Variants in PTPRZ1 observed in about 807,000 individuals in gnomAD.
PTPRZ1 encodes receptor-type tyrosine-protein phosphatase zeta.
Under a neutral mutation model 214.1 loss-of-function variants are expected in PTPRZ1, and 82 were observed. The ratio of observed to expected loss-of-function variants is 0.38; its 90% confidence interval spans 0.32 to 0.46. The LOEUF is 0.46. Among genes scored for constraint, PTPRZ1 ranks in the 20% least tolerant of loss-of-function variants. The probability of loss-of-function intolerance (pLI) is 1.00; values close to 1 mark genes in which losing one functional copy is unlikely to be tolerated. For synonymous variants in PTPRZ1, 945 were observed against 987.9 expected, an observed-to-expected ratio of 0.96 and a Z score of 0.81; for missense variants, 2,603 against 2,748.7, an observed-to-expected ratio of 0.95 and a Z score of 1.19.
intron 10 of PTPRZ1, among the ~76,000 whole-genome samples, chr7:121,999,216 C>A (rs1798249679): frequency 6.6e-6 from 1 of 152,166 alleles, no homozygotes; most frequent in South Asian, 2.1e-4. Flanking sequence ...TTTCTTATGA[C>A]CTGCCTCATG....
At position 122,011,615 on chromosome 7, in the gene PTPRZ1, C is replaced by T; in HGVS notation, c.2569C>T (p.His857Tyr). ...SATESDKVPL[H>Y]ASLPVAGGDL... ...TACCGAGAGTGATAAGGTGCCCTTG[C>T]ATGCTTCTCTGCCAGTGGCTGGGGG... is the stretch of plus-strand genomic sequence containing the variant. The change falls in exon 12 of 30, where the codon CAT (histidine) becomes TAT (tyrosine). Residue 857 changes from histidine (H) to tyrosine (Y), a missense_variant. This residue lies in a region of PTPRZ1 where 1,913 missense variants were observed against 1,914.3 expected (regional missense o/e 1.00). Coordinates refer to ENST00000393386, the MANE Select transcript of PTPRZ1 (RefSeq NM_002851.3). The T allele has an allele frequency of 6.2e-7, 1 of 1,614,086 alleles. No homozygotes were observed. Among genetic ancestry groups the T allele is most frequent in the Non-Finnish European group, 8.5e-7 (1 of 1,179,982 alleles).
chr7:121,931,412 T>C (rs1212937462), intron 2 of PTPRZ1, among the ~76,000 whole-genome samples: 2 of 152,084 alleles, frequency 1.3e-5, no homozygotes, highest in African/African-American at 2.4e-5. Context: ...CAAGTATGTA[T>C]GAGTAAAATG....
chr7:121,983,395 G>A (rs1015863179), intron 6 of PTPRZ1, among the ~76,000 whole-genome samples: 3 of 152,148 alleles, frequency 2.0e-5, no homozygotes, highest in Non-Finnish European at 4.4e-5. Context: ...CTATTGAGAT[G>A]ATCATCTGAT....
chr7:121,941,885 G>T (rs1269975802), intron 2 of PTPRZ1, among the ~76,000 whole-genome samples: 1 of 152,060 alleles, frequency 6.6e-6, no homozygotes. Context: ...ATTCTCTTAG[G>T]AAAACGGTCA....
In PTPRZ1 at chr7:122,061,062, C is replaced by G; in HGVS notation, c.6808-18C>G. The G allele has an allele frequency of 6.4e-7, 1 of 1,570,236 alleles. No homozygotes were observed. The highest frequency in any genetic ancestry group is 8.6e-7 in the Non-Finnish European group (1 of 1,157,684). Reference sequence around the variant, plus strand: ...CACTGAGCTTCGCATTTATTACCTCCCATCTTCTGTTCTCTAGGAGCAGTA... The same window carrying G: ...CACTGAGCTTCGCATTTATTACCTCGCATCTTCTGTTCTCTAGGAGCAGTA... On this transcript the variant is annotated intron_variant, in intron 29 of 29. Coordinates refer to ENST00000393386, the MANE Select transcript of PTPRZ1 (RefSeq NM_002851.3).
At position 122,011,414 on chromosome 7, in the gene PTPRZ1, A is replaced by T. The variant is rs1798660148; in HGVS notation, c.2368A>T (p.Ser790Cys). The T allele has an allele frequency of 6.2e-7, 1 of 1,613,996 alleles. No homozygotes were observed. The highest frequency in any genetic ancestry group is 1.1e-5 in the South Asian group (1 of 91,086). Reference sequence around the variant, plus strand: ...CAACACTACCCCTGCTGCTTCAAGTAGTGATTCGGCCTTGCATGCTACGCC... The same window carrying T: ...CAACACTACCCCTGCTGCTTCAAGTTGTGATTCGGCCTTGCATGCTACGCC... ...ILNTTPAASS[S>C]DSALHATPVF... The change falls in exon 12 of 30, where the codon AGT becomes TGT. Residue 790 changes from serine to cysteine, a missense_variant. Coordinates refer to ENST00000393386, the MANE Select transcript of PTPRZ1 (RefSeq NM_002851.3).
chr7:121,931,806 G>C (rs1275073029), intron 2 of PTPRZ1, among the ~76,000 whole-genome samples: 1 of 152,168 alleles, frequency 6.6e-6, no homozygotes, highest in Non-Finnish European at 1.5e-5. Context: ...ACAATGTGTA[G>C]TTCTTTGCTT....
chr7:121,906,161 T>C (rs570193861), intron 1 of PTPRZ1, among the ~76,000 whole-genome samples: 11 of 152,192 alleles, frequency 7.2e-5, no homozygotes, highest in Non-Finnish European at 8.8e-5. Flanking sequence ...GTAACAGTTT[T>C]AAAAGGTCTC....
intron 18 of PTPRZ1, among the ~76,000 whole-genome samples, chr7:122,038,437 C>G (rs760398896): frequency 6.6e-6 from 1 of 151,176 alleles, no homozygotes; most frequent in Admixed American, 6.6e-5. Context: ...GCAAGTAGAC[C>G]GCAAATGGAT....
chr7:121,969,299 C>T (rs1327025727), intron 3 of PTPRZ1, among the ~76,000 whole-genome samples: 3 of 152,042 alleles, frequency 2.0e-5, no homozygotes, highest in African/African-American at 4.8e-5. Flanking sequence ...CAGTGGCTCA[C>T]GCCTGTAATC....
chr7:121,953,711 C>T (rs183586056), intron 2 of PTPRZ1, among the ~76,000 whole-genome samples: 1 of 152,198 alleles, frequency 6.6e-6, no homozygotes, highest in Non-Finnish European at 1.5e-5. Context: ...TAGTTCACTT[C>T]AGCTATTTTT....
rs1353943100 is a variant in PTPRZ1, at chr7:121,930,174, G to A, written c.124+1953G>A. 3.3e-5 allele frequency among the ~76,000 whole-genome samples: 5 copies of A among 152,182 alleles called. No homozygotes were observed. In the East Asian group the frequency reaches 7.7e-4, roughly 23 times the overall value. On this transcript the variant is annotated intron_variant, in intron 2 of 29. Transcript: ENST00000393386. ...GAGTGAACAAATTAAGGCACATCTC[G>A]ACTGTGGAGTACTCTGCAGATGGGT...
chr7:121,896,036 A>G (rs1430068071), intron 1 of PTPRZ1, among the ~76,000 whole-genome samples: 4 of 152,164 alleles, frequency 2.6e-5, no homozygotes, highest in Non-Finnish European at 4.4e-5. Flanking sequence ...ATTTATAGAT[A>G]TATTCACTGA....
intron 25 of PTPRZ1, among the ~76,000 whole-genome samples, chr7:122,053,702 G>A (rs976833014): frequency 2.6e-5 from 4 of 151,674 alleles, no homozygotes; most frequent in African/African-American, 4.8e-5. Flanking sequence ...AGGAACAAAC[G>A]ATTTAAGAGA....
At chr7:121,903,754 C>A (rs1481469386) in intron 1 of PTPRZ1, among the ~76,000 whole-genome samples, 1 of 151,988 alleles carries the variant, frequency 6.6e-6, no homozygotes, top group Non-Finnish European at 1.5e-5. Context: ...TAGCTCGAGT[C>A]CTAAAGCAAG....
chr7:122,007,044 T>TG (rs1359531493), intron 11 of PTPRZ1, among the ~76,000 whole-genome samples: 2 of 152,010 alleles, frequency 1.3e-5, no homozygotes, highest in African/African-American at 4.8e-5. Context: ...CCACATTATC[T>TG]GGCCACCCGC....
At chr7:122,030,149 T>C (rs1799330371) in intron 14 of PTPRZ1, among the ~76,000 whole-genome samples, 1 of 151,934 alleles carries the variant, frequency 6.6e-6, no homozygotes. Context: ...CTGTTTTGAG[T>C]GTCAAAAGAG....
rs1416429860 is a variant in PTPRZ1, at chr7:121,892,381, T to TTTGGCATA, written c.58+18827_58+18834dup. Among the ~76,000 whole-genome samples the TTTGGCATA allele has an allele frequency of 7.2e-5, 11 of 152,086 alleles. No homozygotes were observed. In the East Asian group the frequency reaches 2.1e-3, roughly 29 times the overall value. On this transcript the variant is annotated intron_variant, in intron 1 of 29. Coordinates refer to ENST00000393386, the MANE Select transcript of PTPRZ1 (RefSeq NM_002851.3). ...TCAAGGTCACTTCTTTTATGCCAGA[T>TTTGGCATA]TTGGCATATTTGATGGCTGCAAGAG... is the stretch of plus-strand genomic sequence containing the variant.
At chr7:122,023,525 ATATATATATAATTT>A (rs1799091712) in intron 13 of PTPRZ1, among the ~76,000 whole-genome samples, 1 of 134,820 alleles carries the variant, frequency 7.4e-6, no homozygotes, top group African/African-American at 2.8e-5. Flanking sequence ...ATATATAATT[ATATATATATAATTT>A]TATATATAAT....
Sources: gnomAD v4.1 joint callset for allele counts (sites outside exome capture counted in the v4.1 genomes callset) on GRCh38, gnomAD v4.1.1 for gene constraint, gnomAD v4.1.1 regional missense constraint, MANE v1.5 for transcripts, NCBI Gene and HGNC (gene_info 2026-07-23, HGNC 2026-07-21) for gene names.